The following MCOLN2 variants were observed in gnomAD, a reference collection of about 807,000 sequenced individuals.
MCOLN2 encodes mucolipin TRP cation channel 2.
MCOLN2 carries 57 observed loss-of-function variants against 67.5 expected under a neutral mutation model. The observed-to-expected ratio is 0.84, with a 90% confidence interval of 0.68 to 1.05. The LOEUF (loss-of-function observed/expected upper bound fraction) is 1.05, where lower values mean the gene tolerates loss of function less well. Ranked by LOEUF, MCOLN2 falls within the 50% of genes least tolerant of loss-of-function variation. The probability of loss-of-function intolerance (pLI) is 0.00; values close to 1 mark genes in which losing one functional copy is unlikely to be tolerated. For synonymous variants in MCOLN2, 246 were observed against 233.3 expected (o/e 1.05, Z -0.50); for missense variants, 620 against 678.8 (o/e 0.91, Z 0.96).
chr1:84,941,884 C>T (rs1647807604), intron 7 of MCOLN2, among the ~76,000 whole-genome samples: 2 of 152,170 alleles, frequency 1.3e-5, no homozygotes, highest in Admixed American at 1.3e-4. Flanking sequence ...GAGCACACAG[C>T]AGCAAGAAGA....
rs1647741252 is a variant in MCOLN2, at chr1:84,940,928, G to C, written c.911C>G (p.Ser304Cys). The C allele has an allele frequency of 6.2e-7, 1 of 1,613,638 alleles. No individual in the cohort carries two copies. Among genetic ancestry groups the C allele is most frequent in the Admixed American group, 1.7e-5 (1 of 59,988 alleles). Residue 304 changes from serine to cysteine, a missense_variant, in exon 8 of 14, where the codon TCT becomes TGT. Ser to Cys is a moderately radical substitution (Grantham distance 112, BLOSUM62 -1). Transcript: ENST00000370608. ...DAFVIVICLA[S>C]LILCTRSIVL... The stretch of plus-strand genomic sequence containing the variant: ...AATGGATCTTGTACACAGAATAAGA[G>C]ATGCCAAGCAAATCACAATGACAAA...
chr1:84,943,935 A>G (rs1039520649), intron 7 of MCOLN2, among the ~76,000 whole-genome samples: 9 of 152,228 alleles, frequency 5.9e-5, no homozygotes, highest in African/African-American at 2.2e-4. Context: ...ACTTAGCTCT[A>G]TCATAATGCA....
chr1:84,962,918 A>G (rs1649169452), intron 2 of MCOLN2, among the ~76,000 whole-genome samples: 1 of 152,214 alleles, frequency 6.6e-6, no homozygotes, highest in African/African-American at 2.4e-5. Flanking sequence ...CGAAAAATTA[A>G]GCTGATATTA....
chr1:84,930,350 T>C (rs567892567), intron 12 of MCOLN2, among the ~76,000 whole-genome samples: 1 of 152,144 alleles, frequency 6.6e-6, no homozygotes, highest in African/African-American at 2.4e-5. Context: ...ATTGGCAATG[T>C]AGACTCTGCT....
intron 1 of MCOLN2, among the ~76,000 whole-genome samples, chr1:84,974,454 C>A (rs1318126862): frequency 6.6e-6 from 1 of 151,694 alleles, no homozygotes; most frequent in Non-Finnish European, 1.5e-5. Context: ...ACCGGCTCAG[C>A]CACAGCATGA....
At position 84,929,623 on chromosome 1, in the gene MCOLN2, G is replaced by C; in HGVS notation, c.1599C>G (p.Cys533Trp). 6.2e-7 allele frequency: 1 copy of C among 1,613,744 alleles called. No individual in the cohort carries two copies. The highest frequency in any genetic ancestry group is 8.5e-7 in the Non-Finnish European group (1 of 1,179,790). Residue 533 changes from cysteine to tryptophan, a missense_variant, in exon 13 of 14, where the codon TGC (cysteine) becomes TGG (tryptophan). Coordinates refer to ENST00000370608, the MANE Select transcript of MCOLN2 (RefSeq NM_153259.4). ...ETDLQEFLKE[C>W]SSKEEYQKES... ...CTTTCTGATACTCTTCTTTGCTACT[G>C]CATTCCTTCAGGAATTCCTGCAAAT...
chr1:84,971,499 T>TACACACACAC (rs71097870), intron 1 of MCOLN2, among the ~76,000 whole-genome samples: 10 of 132,254 alleles, frequency 7.6e-5, no homozygotes, highest in South Asian at 5.4e-4. Flanking sequence ...TAAACAGACA[T>TACACACACAC]ACACACACAC....
intron 13 of MCOLN2, among the ~76,000 whole-genome samples, chr1:84,928,055 A>G (rs1052096076): frequency 6.6e-6 from 1 of 152,210 alleles, no homozygotes; most frequent in Non-Finnish European, 1.5e-5. Context: ...TGCAGGGTCC[A>G]TGCAAGCCCC....
At position 84,997,083 on chromosome 1, in the gene MCOLN2, G is replaced by C; in HGVS notation, c.-211C>G. On this transcript the variant is annotated 5_prime_UTR_variant, in exon 1 of 14. Coordinates refer to ENST00000370608, the MANE Select transcript of MCOLN2 (RefSeq NM_153259.4). The stretch of plus-strand genomic sequence containing the variant: ...CCGCAGTCGTGGAGTGCGGCGGGCA[G>C]TTCTCGGGCGGCTGAAAGGCGGCTC... The C allele has an allele frequency of 1.7e-6, 1 of 579,872 alleles. No homozygotes were observed. The highest frequency in any genetic ancestry group is 3.1e-5 in the Admixed American group (1 of 32,092). The allele number at this position is 579,872 out of a possible 1,614,324, so 35.9% of individuals were successfully genotyped here. A position where few individuals can be genotyped will look rare whatever the true frequency, so the allele number is the denominator to read the frequency against.
At chr1:84,929,925 GTTT>G (rs771724580) in intron 12 of MCOLN2, 2 of 234,864 alleles carry the variant, frequency 8.5e-6, no homozygotes, top group African/African-American at 4.9e-5. Context: ...CCAGGGAGAG[GTTT>G]TTTTTAAAAA....
chr1:84,985,580 C>G (rs890967220), intron 1 of MCOLN2, among the ~76,000 whole-genome samples: 1 of 152,166 alleles, frequency 6.6e-6, no homozygotes, highest in Non-Finnish European at 1.5e-5. Context: ...TGCCCTCCAC[C>G]TGCTCCTCCA....
chr1:84,989,513 A>T (rs1460872975), intron 1 of MCOLN2, among the ~76,000 whole-genome samples: 1 of 152,126 alleles, frequency 6.6e-6, no homozygotes, highest in Non-Finnish European at 1.5e-5. Flanking sequence ...ATAATTTGCT[A>T]TCCATTTGGG....
Position 84,939,703 on chromosome 1 carries a change from C to G in MCOLN2, c.961-1G>C, listed in dbSNP as rs1647640663. The G allele has an allele frequency of 6.2e-7, 1 of 1,613,940 alleles. No homozygotes were observed. On this transcript the variant is annotated splice_acceptor_variant, in intron 8 of 13. Transcript: ENST00000370608. LOFTEE classifies it high-confidence loss of function. ...TCTCCAGGAAGAAATTTAGAAATCT[C>G]TATGGCAAACATTTAAAGAAGCGTT...
At chr1:84,958,172 G>T (rs1322796156) in intron 3 of MCOLN2, among the ~76,000 whole-genome samples, 1 of 152,112 alleles carries the variant, frequency 6.6e-6, no homozygotes, top group African/African-American at 2.4e-5. Flanking sequence ...CTCCCAGAGT[G>T]CCTGGATTAC....
chr1:84,942,637 C>G (rs1332261375), intron 7 of MCOLN2, among the ~76,000 whole-genome samples: 1 of 152,150 alleles, frequency 6.6e-6, no homozygotes, highest in Admixed American at 6.5e-5. Context: ...TAGGTAGTTG[C>G]TACGGTTTGA....
At chr1:84,983,710 C>T (rs1156231911) in intron 1 of MCOLN2, among the ~76,000 whole-genome samples, 15 of 148,944 alleles carry the variant, frequency 1.0e-4, no homozygotes, top group African/African-American at 3.2e-4. Flanking sequence ...AGAGTCTTGC[C>T]CTGTCACCCA....
intron 1 of MCOLN2, among the ~76,000 whole-genome samples, chr1:84,967,960 C>G (rs1225370071): frequency 6.6e-6 from 1 of 152,006 alleles, no homozygotes; most frequent in Non-Finnish European, 1.5e-5. Flanking sequence ...GAAGAAGTAC[C>G]TTTAAAAGAT....
chr1:84,944,841 G>T (rs781525218), intron 7 of MCOLN2, among the ~76,000 whole-genome samples: 1 of 152,150 alleles, frequency 6.6e-6, no homozygotes, highest in Non-Finnish European at 1.5e-5. Flanking sequence ...TAGAAATAGT[G>T]TAAGTGTCCC....
Position 84,929,814 on chromosome 1 carries a change from C to T in MCOLN2, c.1543-135G>A, listed in dbSNP as rs554273635. The stretch of plus-strand genomic sequence containing the variant: ...GCTCAGATCCAAGAACTGATATTTA[C>T]AATGATGAATCAATCTGTCAGTCCC... On this transcript the variant is annotated intron_variant, in intron 12 of 13. Coordinates refer to ENST00000370608, the MANE Select transcript of MCOLN2 (RefSeq NM_153259.4). 934 of 731,422 alleles carry T rather than the reference C, an allele frequency of 1.3e-3. 2 individuals are homozygous for T. The highest frequency in any genetic ancestry group is 1.8e-3 in the Non-Finnish European group (853 of 472,228). The allele number at this position is 731,422 out of a possible 1,614,324, so 45.3% of individuals were successfully genotyped here. A position where few individuals can be genotyped will look rare whatever the true frequency, so the allele number is the denominator to read the frequency against.
Sources: gnomAD v4.1 joint callset for allele counts (sites outside exome capture counted in the v4.1 genomes callset) on GRCh38, gnomAD v4.1.1 for gene constraint, MANE v1.5 for transcripts, NCBI Gene and HGNC (gene_info 2026-07-23, HGNC 2026-07-21) for gene names.